Variants in PLGLB1 observed in about 807,000 individuals in gnomAD.
PLGLB1 encodes plasminogen like B1.
At chr2:87,017,223 C>G (rs571460941) in intron 2 of PLGLB1, among the ~76,000 whole-genome samples, 4 of 133,370 alleles carry the variant, frequency 3.0e-5, no homozygotes, top group African/African-American at 1.0e-4. Flanking sequence ...AGTCATTGCT[C>G]AGATCTATCT....
At chr2:87,021,048 A>C (rs1393132239) in intron 1 of PLGLB1, among the ~76,000 whole-genome samples, 1 of 150,610 alleles carries the variant, frequency 6.6e-6, no homozygotes, top group Non-Finnish European at 1.5e-5. Context: ...CCGCGAGCTA[A>C]ATAAGCTAGT....
At chr2:87,020,913 G>A (rs1682407256) in intron 1 of PLGLB1, among the ~76,000 whole-genome samples, 1 of 151,038 alleles carries the variant, frequency 6.6e-6, no homozygotes, top group Non-Finnish European at 1.5e-5. Context: ...TGGGAAACCT[G>A]GCTTAAATCC....
rs1353830395 is a variant in PLGLB1 at position 87,010,861 on chromosome 2, G to A, written c.*2260C>T. ...GCGGAGGTTGTGGTGAGCTGAGATC[G>A]CACCATTGCACTCTAGCCTGGGCAA... On this transcript the variant is annotated 3_prime_UTR_variant, in exon 4 of 4. Coordinates refer to ENST00000355705, the MANE Select transcript of PLGLB1 (RefSeq NM_001032392.4). Among the ~76,000 whole-genome samples, 2 of 76,274 alleles carry A rather than the reference G, an allele frequency of 2.6e-5. No individual in the cohort carries two copies. The highest frequency in any genetic ancestry group is 8.1e-5 in the African/African-American group (1 of 12,408). 50.0% of individuals were successfully genotyped at this position (76,274 alleles called of 152,430 possible). A position where few individuals can be genotyped will look rare whatever the true frequency, so the allele number is the denominator to read the frequency against.
In PLGLB1 at chr2:87,013,504, A is replaced by G. The variant is rs532457704; in HGVS notation, c.*2-385T>C. ...TGATACATGGATACATGTTACATACATGATGAGACAGAGTAAGAGAATGGG... is the reference window on the plus strand; with the variant it reads ...TGATACATGGATACATGTTACATACGTGATGAGACAGAGTAAGAGAATGGG... On this transcript the variant is annotated intron_variant, in intron 3 of 3. Coordinates refer to ENST00000355705, the MANE Select transcript of PLGLB1 (RefSeq NM_001032392.4). 191 of 124,602 alleles carry G rather than the reference A, an allele frequency of 1.5e-3. 47 individuals are homozygous for G. The highest frequency in any genetic ancestry group is 6.5e-3 in the African/African-American group (179 of 27,404). 7.7% of individuals were successfully genotyped at this position (124,602 alleles called of 1,614,324 possible).
chr2:87,019,046 CGAG>C (rs1682377645), intron 1 of PLGLB1, among the ~76,000 whole-genome samples: 1 of 106,164 alleles, frequency 9.4e-6, no homozygotes, highest in Non-Finnish European at 1.8e-5. Flanking sequence ...TATAGAGTGA[CGAG>C]GAGAGCAGTG....
chr2:87,017,406 A>T (rs1412992549), intron 2 of PLGLB1, 147 bp downstream of exon 2: 579 of 54,762 alleles, frequency 0.011, no homozygotes, highest in African/African-American at 0.033. Context: ...AGCTGTTAGT[A>T]TGGCTTCACA....
chr2:87,013,477 G>A (rs115029613), intron 3 of PLGLB1: 3,392 of 157,578 alleles, frequency 0.022, 657 homozygotes, highest in South Asian at 0.031. Flanking sequence ...GAGATCACTT[G>A]ATGATACATG....
In PLGLB1 at chr2:87,015,287, GTACTT is replaced by G. The variant is rs988093770; in HGVS notation, c.*1+1010_*1+1014del. On this transcript the variant is annotated intron_variant, in intron 3 of 3. Coordinates refer to ENST00000355705, the MANE Select transcript of PLGLB1 (RefSeq NM_001032392.4). Reference sequence around the variant, plus strand: ...ACCAGATAAAGTTTAGATTTCATCTGTACTTTAATCTCAAGAATTCGAGATAAATA... The same window carrying G: ...ACCAGATAAAGTTTAGATTTCATCTGTAATCTCAAGAATTCGAGATAAATA... Among the ~76,000 whole-genome samples the G allele has an allele frequency of 2.4e-4, 16 of 66,824 alleles. 1 individual carries two copies. Among genetic ancestry groups the G allele is most frequent in the Admixed American group, 2.1e-3 (16 of 7,654 alleles). 43.8% of individuals were successfully genotyped at this position (66,824 alleles called of 152,430 possible).
intron 1 of PLGLB1, among the ~76,000 whole-genome samples, chr2:87,020,999 T>C (rs1446690892): frequency 6.6e-6 from 1 of 152,064 alleles, no homozygotes; most frequent in East Asian, 1.9e-4. Flanking sequence ...TAGATTTCTT[T>C]GTTTATAAAA....
intron 1 of PLGLB1, among the ~76,000 whole-genome samples, chr2:87,019,665 AC>A (rs1682390173): frequency 1.0e-5 from 1 of 99,296 alleles, no homozygotes; most frequent in South Asian, 4.0e-4. Context: ...AGAGCAGGCT[AC>A]AATTGATATT....
At position 87,016,762 on chromosome 2, in the gene PLGLB1, GACCTCCCA is replaced by G. The variant is rs1682343870; in HGVS notation, c.186-362_186-355del. Reference sequence around the variant, plus strand: ...ATTCCCCAAGATAGTCCATCTCCATGACCTCCCAACTCTGATCAGTTCCCCTGAACCTC... The same window carrying G: ...ATTCCCCAAGATAGTCCATCTCCATGACTCTGATCAGTTCCCCTGAACCTC... On this transcript the variant is annotated intron_variant, in intron 2 of 3. Transcript: ENST00000355705. Among the ~76,000 whole-genome samples the G allele has an allele frequency of 1.5e-5, 2 of 133,804 alleles. 1 individual carries two copies. The highest frequency in any genetic ancestry group is 7.3e-5 in the African/African-American group (2 of 27,314). 87.8% of individuals were successfully genotyped at this position (133,804 alleles called of 152,430 possible).
intron 1 of PLGLB1, among the ~76,000 whole-genome samples, chr2:87,018,978 A>G (rs1682372825): frequency 1.8e-5 from 1 of 57,010 alleles, no homozygotes; most frequent in Non-Finnish European, 3.1e-5. Context: ...ATTAGACAAC[A>G]GGACAACCTT....
At chr2:87,017,251 A>G (rs1355486178) in intron 2 of PLGLB1, among the ~76,000 whole-genome samples, 1 of 117,866 alleles carries the variant, frequency 8.5e-6, no homozygotes, top group Non-Finnish European at 1.9e-5. Flanking sequence ...TTTCATTCAT[A>G]TGATCCTCAA....
intron 2 of PLGLB1, among the ~76,000 whole-genome samples, chr2:87,017,134 T>A (rs1364403599): frequency 6.8e-6 from 1 of 146,990 alleles, no homozygotes; most frequent in Non-Finnish European, 1.5e-5. Context: ...GTAGCTCACT[T>A]AGGCTGTCTT....
intron 1 of PLGLB1, chr2:87,018,800 A>AG (rs1487291390): frequency 2.3e-5 from 1 of 44,066 alleles, no homozygotes; most frequent in Non-Finnish European, 4.0e-5. Context: ...ACAAGGCTAC[A>AG]GGGTGTTCCC....
chr2:87,020,991 G>C (rs1478734363), intron 1 of PLGLB1, among the ~76,000 whole-genome samples: 1 of 152,044 alleles, frequency 6.6e-6, no homozygotes, highest in African/African-American at 2.4e-5. Flanking sequence ...CCTAAGTCTA[G>C]ATTTCTTTGT....
rs1468351375 is a variant in PLGLB1 at position 87,012,476 on chromosome 2, AT to A, written c.*644del. The A allele has an allele frequency of 0.036, 75 of 2,060 alleles. No homozygotes were observed. Among genetic ancestry groups the A allele is most frequent in the Admixed American group, 0.044 (20 of 454 alleles). 0.1% of individuals were successfully genotyped at this position (2,060 alleles called of 1,614,324 possible). A position where few individuals can be genotyped will look rare whatever the true frequency, so the allele number is the denominator to read the frequency against. ...TGGCCTAAAACTCGTAGTTTCATTG[AT>A]TTTTTTTTTTAACTAGGCATTCTTC... On this transcript the variant is annotated 3_prime_UTR_variant, in exon 4 of 4. Transcript: ENST00000355705.
intron 2 of PLGLB1, among the ~76,000 whole-genome samples, chr2:87,017,097 TG>T (rs1299639767): frequency 6.9e-6 from 1 of 145,258 alleles, no homozygotes; most frequent in Admixed American, 6.8e-5. Context: ...CTTCTGGATC[TG>T]GGTAGAACAT....
intron 2 of PLGLB1, among the ~76,000 whole-genome samples, chr2:87,017,103 G>A (rs1264566924): frequency 9.0e-5 from 13 of 144,580 alleles, no homozygotes; most frequent in Admixed American, 8.8e-4. Flanking sequence ...GATCTGGGTA[G>A]AACATGCATT....
Sources: allele counts gnomAD v4.1 joint callset (sites outside exome capture counted in the v4.1 genomes callset), GRCh38; gene constraint gnomAD v4.1.1; transcripts MANE v1.5; gene names NCBI Gene and HGNC (gene_info 2026-07-23, HGNC 2026-07-21).